Variants in SUGCT observed in about 807,000 individuals in gnomAD.
SUGCT encodes succinyl-CoA:glutarate-CoA transferase, also known as succinyl-CoA:glutarate CoA-transferase.
A neutral mutation model predicts 55.0 loss-of-function variants in SUGCT; 41 were observed. The observed-to-expected ratio is 0.74, with a 90% CI of 0.58 to 0.97. The LOEUF (loss-of-function observed/expected upper bound fraction) is 0.97. Among genes scored for constraint, SUGCT ranks in the 50% least tolerant of loss-of-function variants. SUGCT has a pLI of 0.00. For missense variants in SUGCT, 568 were observed against 547.8 expected (o/e 1.04, Z -0.37); for synonymous variants, 187 against 200.4 (o/e 0.93, Z 0.56).
intron 12 of SUGCT, among the ~76,000 whole-genome samples, chr7:40,676,894 CGTGTGTGTGTGTGTGT>C (rs3221667): frequency 5.6e-5 from 8 of 144,056 alleles, no homozygotes; most frequent in Admixed American, 3.5e-4. Flanking sequence ...TTCAGAATGA[CGTGTGTGTGTGTGTGT>C]GTGTGTGTGT....
chr7:40,347,730 G>C (rs191089527), intron 9 of SUGCT, among the ~76,000 whole-genome samples: 1 of 152,106 alleles, frequency 6.6e-6, no homozygotes, highest in African/African-American at 2.4e-5. Flanking sequence ...ATCCCACTGT[G>C]AATCAATTTG....
chr7:40,990,328 T>A, the SUGCT span, among the ~76,000 whole-genome samples: 1 of 152,222 alleles, frequency 6.6e-6, no homozygotes, highest in African/African-American at 2.4e-5. Flanking sequence ...AGAACTGCAA[T>A]AACCTAATAA....
At chr7:40,276,346 C>A (rs1348548063) in intron 8 of SUGCT, among the ~76,000 whole-genome samples, 1 of 152,118 alleles carries the variant, frequency 6.6e-6, no homozygotes, top group Non-Finnish European at 1.5e-5. Context: ...ATAAAAGTTG[C>A]ACATCCAATA....
intron 13 of SUGCT, among the ~76,000 whole-genome samples, chr7:40,851,991 G>T (rs1179562051): frequency 6.6e-6 from 1 of 152,216 alleles, no homozygotes; most frequent in Non-Finnish European, 1.5e-5. Flanking sequence ...TTAGAATGAG[G>T]ACATTTAGAT....
At chr7:40,634,937 C>T (rs949485531) in intron 12 of SUGCT, among the ~76,000 whole-genome samples, 1 of 152,072 alleles carries the variant, frequency 6.6e-6, no homozygotes, top group Admixed American at 6.5e-5. Context: ...TTGAAAAAGA[C>T]TCTAATTAGG....
At chr7:40,188,629 T>C (rs887441756) in intron 4 of SUGCT, 49 bp downstream of exon 4, 1 of 1,204,646 alleles carries the variant, frequency 8.3e-7, no homozygotes, top group African/African-American at 1.5e-5. Context: ...TCTCTTATAA[T>C]AGCAAAACTG....
At chr7:40,832,934 A>G (rs1792773111) in intron 13 of SUGCT, among the ~76,000 whole-genome samples, 1 of 151,738 alleles carries the variant, frequency 6.6e-6, no homozygotes, top group Non-Finnish European at 1.5e-5. Flanking sequence ...TCAGCCTCCC[A>G]AAGTGCTGGG....
chr7:40,969,394 T>A, the SUGCT span, among the ~76,000 whole-genome samples: 1 of 152,352 alleles, frequency 6.6e-6, no homozygotes, highest in South Asian at 2.1e-4. Context: ...AGAATGGTGC[T>A]CTATTGCCCA....
chr7:40,840,532 C>G (rs892721362), intron 13 of SUGCT, among the ~76,000 whole-genome samples: 6 of 149,934 alleles, frequency 4.0e-5, no homozygotes, highest in Non-Finnish European at 8.9e-5. Context: ...TATAACATGT[C>G]AAAATTTGTA....
chr7:40,633,252 G>A (rs946643221), intron 12 of SUGCT, among the ~76,000 whole-genome samples: 4 of 152,038 alleles, frequency 2.6e-5, no homozygotes, highest in African/African-American at 4.8e-5. Flanking sequence ...AAATAATATC[G>A]AAACCAAAAG....
intron 12 of SUGCT, among the ~76,000 whole-genome samples, chr7:40,647,997 G>C (rs900459170): frequency 6.6e-6 from 1 of 152,052 alleles, no homozygotes; most frequent in African/African-American, 2.4e-5. Flanking sequence ...TTCAAAAAGC[G>C]CAGATGCATA....
intron 8 of SUGCT, among the ~76,000 whole-genome samples, chr7:40,312,102 C>T (rs577038131): frequency 4.7e-5 from 7 of 150,326 alleles, no homozygotes; most frequent in East Asian, 1.9e-4. Context: ...TGCAATGGCG[C>T]GATCTCGGCT....
At chr7:40,453,894 G>A (rs1789325729) in intron 10 of SUGCT, among the ~76,000 whole-genome samples, 1 of 152,098 alleles carries the variant, frequency 6.6e-6, no homozygotes, top group Non-Finnish European at 1.5e-5. Flanking sequence ...TTATAACAAC[G>A]CTCTAACAAG....
At chr7:40,281,639 C>A (rs759324568) in intron 8 of SUGCT, among the ~76,000 whole-genome samples, 1 of 152,140 alleles carries the variant, frequency 6.6e-6, no homozygotes, top group Admixed American at 6.6e-5. Flanking sequence ...CGAAAGCAGT[C>A]TCAGGTGAAA....
At chr7:41,023,447 A>G in the SUGCT span, among the ~76,000 whole-genome samples, 1 of 152,146 alleles carries the variant, frequency 6.6e-6, no homozygotes, top group African/African-American at 2.4e-5. Flanking sequence ...TCAGGACAAT[A>G]CAAATTAATA....
At chr7:40,530,527 T>A (rs1794028460) in intron 12 of SUGCT, among the ~76,000 whole-genome samples, 1 of 152,200 alleles carries the variant, frequency 6.6e-6, no homozygotes, top group African/African-American at 2.4e-5. Context: ...TATGCATGTT[T>A]CATGGGATTT....
chr7:40,991,363 C>A, the SUGCT span, among the ~76,000 whole-genome samples: 1 of 152,124 alleles, frequency 6.6e-6, no homozygotes, highest in Non-Finnish European at 1.5e-5. Context: ...TCAAAGATCA[C>A]TGATCACAGA....
At chr7:40,262,164 C>T (rs1460494751) in intron 7 of SUGCT, among the ~76,000 whole-genome samples, 1 of 152,086 alleles carries the variant, frequency 6.6e-6, no homozygotes, top group Non-Finnish European at 1.5e-5. Context: ...GTGTATTTTT[C>T]AATGTAGGCT....
At chr7:40,770,487 G>T (rs1789038728) in intron 13 of SUGCT, among the ~76,000 whole-genome samples, 1 of 152,064 alleles carries the variant, frequency 6.6e-6, no homozygotes, top group African/African-American at 2.4e-5. Context: ...CCAGACAGAG[G>T]GTTAGAGGAA....
Sources: gnomAD v4.1 joint callset for allele counts (sites outside exome capture counted in the v4.1 genomes callset) on GRCh38, gnomAD v4.1.1 for gene constraint, MANE v1.5 for transcripts, NCBI Gene and HGNC (gene_info 2026-07-23, HGNC 2026-07-21) for gene names.